Variants in MARCHF1 observed in about 807,000 individuals in gnomAD.
MARCHF1 encodes the protein membrane associated ring-CH-type finger 1, also known as E3 ubiquitin-protein ligase MARCHF1.
Under a neutral mutation model 54.2 loss-of-function variants are expected in MARCHF1, and 40 were observed. That is an observed-to-expected ratio of 0.74 (90% CI 0.57 to 0.96). MARCHF1 has a LOEUF of 0.96. Ranked by LOEUF, MARCHF1 falls within the 40% of genes least tolerant of loss-of-function variation. The probability of loss-of-function intolerance (pLI) is 0.00; values close to 1 mark genes in which losing one functional copy is unlikely to be tolerated. For missense variants in MARCHF1, 586 were observed against 656.5 expected (o/e 0.89, Z 1.17); for synonymous variants, 236 against 236.3 (o/e 1.00, Z 0.01).
chr4:163,568,709 G>T (rs1161630422), intron 8 of MARCHF1, among the ~76,000 whole-genome samples: 1 of 152,040 alleles, frequency 6.6e-6, no homozygotes, highest in Non-Finnish European at 1.5e-5. Context: ...CCTTGGGAAA[G>T]GAATATTTAT....
At chr4:164,222,134 C>CT (rs1732130949) in intron 1 of MARCHF1, among the ~76,000 whole-genome samples, 1 of 151,830 alleles carries the variant, frequency 6.6e-6, no homozygotes, top group Admixed American at 6.6e-5. Flanking sequence ...ATTCAATCTA[C>CT]TAGGTGGGTA....
At position 163,617,805 on chromosome 4, in the gene MARCHF1, A is replaced by T. The variant is rs138965669; in HGVS notation, c.163-4412T>A. ...CAGCCCAAGTGTCCTCAAATCACTGATGATGTTATTATGTATGTGAACCAC... is the reference window on the plus strand; with the variant it reads ...CAGCCCAAGTGTCCTCAAATCACTGTTGATGTTATTATGTATGTGAACCAC... On this transcript the variant is annotated intron_variant, in intron 5 of 9. Coordinates refer to ENST00000514618, the MANE Select transcript of MARCHF1 (RefSeq NM_001394959.1). Among the ~76,000 whole-genome samples the T allele has an allele frequency of 1.7e-4, 26 of 152,272 alleles. No homozygotes were observed. The East Asian group carries it at 5.0e-3, about 29-fold the overall frequency.
At chr4:164,334,388 G>A (rs916375884) in intron 1 of MARCHF1, among the ~76,000 whole-genome samples, 1 of 152,056 alleles carries the variant, frequency 6.6e-6, no homozygotes, top group African/African-American at 2.4e-5. Context: ...TCTAAAAATC[G>A]AGGGCCCTTA....
chr4:163,804,117 T>G (rs1447177694), intron 4 of MARCHF1, among the ~76,000 whole-genome samples: 1 of 152,218 alleles, frequency 6.6e-6, no homozygotes, highest in Non-Finnish European at 1.5e-5. Flanking sequence ...TAAAGAACTG[T>G]CATTATAGAA....
chr4:163,888,149 T>C (rs9990812), intron 3 of MARCHF1, among the ~76,000 whole-genome samples: 144,482 of 152,224 alleles, frequency 0.95, 68,911 homozygotes, highest in Middle Eastern at 0.99. Flanking sequence ...AACAAACCTG[T>C]ACATTCTGCA....
intron 4 of MARCHF1, among the ~76,000 whole-genome samples, chr4:163,725,871 G>C (rs576729312): frequency 2.8e-4 from 42 of 152,230 alleles, no homozygotes; most frequent in African/African-American, 1.0e-3. Flanking sequence ...GTCTGTTTTT[G>C]TTAATTTTTA....
At chr4:163,918,455 G>C (rs1751357394) in intron 3 of MARCHF1, among the ~76,000 whole-genome samples, 1 of 152,078 alleles carries the variant, frequency 6.6e-6, no homozygotes, top group Admixed American at 6.6e-5. Context: ...ATTTCCATTG[G>C]ATTAAAAGGT....
chr4:164,188,060 C>T (rs1001167761), intron 1 of MARCHF1, among the ~76,000 whole-genome samples: 3 of 152,166 alleles, frequency 2.0e-5, no homozygotes, highest in Non-Finnish European at 4.4e-5. Flanking sequence ...AGCACTCCTT[C>T]AAATGCCAAG....
At chr4:164,161,278 G>A (rs193234758) in intron 1 of MARCHF1, among the ~76,000 whole-genome samples, 1 of 152,156 alleles carries the variant, frequency 6.6e-6, no homozygotes, top group Non-Finnish European at 1.5e-5. Flanking sequence ...CTCCAGCCAT[G>A]GGGTGTGCCT....
At chr4:164,329,133 A>AT (rs1289569251) in intron 1 of MARCHF1, among the ~76,000 whole-genome samples, 1 of 152,234 alleles carries the variant, frequency 6.6e-6, no homozygotes, top group Non-Finnish European at 1.5e-5. Flanking sequence ...TTGGAAGAAG[A>AT]TTAAAAACTG....
chr4:163,537,638 C>G (rs1738582857), intron 9 of MARCHF1, among the ~76,000 whole-genome samples: 1 of 152,068 alleles, frequency 6.6e-6, no homozygotes, highest in Non-Finnish European at 1.5e-5. Flanking sequence ...ACTCTCTGCC[C>G]ATCTTTACCT....
chr4:164,087,653 T>C (rs1175122276), intron 2 of MARCHF1, among the ~76,000 whole-genome samples: 1 of 152,172 alleles, frequency 6.6e-6, no homozygotes, highest in Non-Finnish European at 1.5e-5. Context: ...GCCAATTCCA[T>C]CTTCATCCCA....
Position 163,866,240 on chromosome 4 carries a change from T to C in MARCHF1, c.-38-12071A>G, listed in dbSNP as rs988335669. ...CCTATTTTTAACTATTCCAAAAATC[T>C]ATATAGTTCTCTCAAAATTATTTTG... is the stretch of plus-strand genomic sequence containing the variant. On this transcript the variant is annotated intron_variant, in intron 3 of 9. Coordinates refer to ENST00000514618, the MANE Select transcript of MARCHF1 (RefSeq NM_001394959.1). 9.9e-5 allele frequency among the ~76,000 whole-genome samples: 15 copies of C among 151,530 alleles called. 1 individual carries two copies. The South Asian group carries it at 2.9e-3, about 29-fold the overall frequency.
intron 7 of MARCHF1, among the ~76,000 whole-genome samples, chr4:163,595,512 G>A (rs1323533351): frequency 6.6e-6 from 1 of 152,058 alleles, no homozygotes; most frequent in Non-Finnish European, 1.5e-5. Flanking sequence ...GTAAGACCCT[G>A]TCTCCAAAAA....
At chr4:163,859,573 C>T (rs1749866240) in intron 3 of MARCHF1, among the ~76,000 whole-genome samples, 1 of 152,046 alleles carries the variant, frequency 6.6e-6, no homozygotes, top group African/African-American at 2.4e-5. Context: ...GTTGGCCAGG[C>T]TGGTCTTGAA....
intron 2 of MARCHF1, among the ~76,000 whole-genome samples, chr4:164,080,155 A>G (rs938737518): frequency 6.6e-6 from 1 of 152,202 alleles, no homozygotes; most frequent in African/African-American, 2.4e-5. Flanking sequence ...AATAAGTCAT[A>G]TGTAGAACAA....
chr4:164,271,407 G>A (rs1171476319), intron 1 of MARCHF1, among the ~76,000 whole-genome samples: 1 of 152,158 alleles, frequency 6.6e-6, no homozygotes, highest in Non-Finnish European at 1.5e-5. Flanking sequence ...TAAAAAGAGA[G>A]AGGAGAGGCA....
chr4:163,742,702 T>C (rs1195487149), intron 4 of MARCHF1, among the ~76,000 whole-genome samples: 1 of 152,022 alleles, frequency 6.6e-6, no homozygotes, highest in African/African-American at 2.4e-5. Context: ...AGTCTCGAAC[T>C]CCTAGGCTGG....
At chr4:164,038,092 G>A (rs546143394) in intron 2 of MARCHF1, among the ~76,000 whole-genome samples, 1 of 152,266 alleles carries the variant, frequency 6.6e-6, no homozygotes, top group Admixed American at 6.5e-5. Context: ...TGGTTGTGAT[G>A]TGGTACTATA....
Sources: allele counts gnomAD v4.1 joint callset (sites outside exome capture counted in the v4.1 genomes callset), GRCh38; gene constraint gnomAD v4.1.1; transcripts MANE v1.5; gene names NCBI Gene and HGNC (gene_info 2026-07-23, HGNC 2026-07-21).